Variants in SLCO5A1 observed in about 807,000 individuals in gnomAD.
The protein encoded by SLCO5A1 is organic anion transporter polypeptide-related protein 4.
A neutral mutation model predicts 65.1 loss-of-function variants in SLCO5A1; 39 were observed. The ratio of observed to expected loss-of-function variants is 0.60; its 90% CI spans 0.46 to 0.78. The LOEUF (loss-of-function observed/expected upper bound fraction) is 0.78. SLCO5A1 is among the 30% of genes least tolerant of loss of function. The probability of loss-of-function intolerance (pLI) is 0.00; values close to 1 mark genes in which losing one functional copy is unlikely to be tolerated. For missense variants in SLCO5A1, 1,029 were observed against 1,069.4 expected, an observed-to-expected ratio of 0.96 and a Z score of 0.53; for synonymous variants, 438 against 415.7, an observed-to-expected ratio of 1.05 and a Z score of -0.65.
intron 5 of SLCO5A1, among the ~76,000 whole-genome samples, chr8:69,712,043 A>G (rs1354963065): frequency 6.6e-6 from 1 of 152,268 alleles, no homozygotes; most frequent in East Asian, 1.9e-4. Context: ...AAATATACAA[A>G]CCTTTGATAT....
At chr8:69,819,565 G>A (rs753654869) in intron 2 of SLCO5A1, among the ~76,000 whole-genome samples, 7 of 152,196 alleles carry the variant, frequency 4.6e-5, no homozygotes, top group Non-Finnish European at 1.0e-4. Flanking sequence ...TCAAGGTGGG[G>A]AAAGAGGTGC....
At chr8:69,679,250 G>T in intron 8 of SLCO5A1, 128 bp downstream of exon 8, 1 of 1,282,678 alleles carries the variant, frequency 7.8e-7, no homozygotes, top group Non-Finnish European at 1.1e-6. Context: ...GCAAATATCT[G>T]AGCGCCCTCC....
At chr8:69,750,548 C>G (rs934540409) in intron 4 of SLCO5A1, among the ~76,000 whole-genome samples, 1 of 152,102 alleles carries the variant, frequency 6.6e-6, no homozygotes, top group Admixed American at 6.6e-5. Context: ...TCCAACAGAC[C>G]AACCACAAAA....
At chr8:69,678,156 T>G (rs1813624949) in intron 8 of SLCO5A1, among the ~76,000 whole-genome samples, 1 of 152,194 alleles carries the variant, frequency 6.6e-6, no homozygotes, top group Admixed American at 6.5e-5. Context: ...AATGCTGGAA[T>G]GTAACAAAAG....
chr8:69,819,726 C>T (rs562988354), intron 2 of SLCO5A1, among the ~76,000 whole-genome samples: 5 of 152,244 alleles, frequency 3.3e-5, no homozygotes, highest in Non-Finnish European at 7.4e-5. Context: ...TTTTGGGAGG[C>T]CGAGGTGGGC....
chr8:69,708,611 A>G (rs138669335), intron 5 of SLCO5A1, among the ~76,000 whole-genome samples: 437 of 151,986 alleles, frequency 2.9e-3, no homozygotes, highest in Non-Finnish European at 4.8e-3. Flanking sequence ...GCCATAGAAA[A>G]CCAAGGAGAG....
At chr8:69,774,683 C>T (rs973721306) in intron 2 of SLCO5A1, among the ~76,000 whole-genome samples, 1 of 152,300 alleles carries the variant, frequency 6.6e-6, no homozygotes, top group Non-Finnish European at 1.5e-5. Context: ...GGACTGCACC[C>T]AGGGTGGTGC....
At chr8:69,800,854 C>A (rs1433085170) in intron 2 of SLCO5A1, among the ~76,000 whole-genome samples, 1 of 152,164 alleles carries the variant, frequency 6.6e-6, no homozygotes, top group Admixed American at 6.6e-5. Flanking sequence ...GTGTTCCAGC[C>A]TGGATATATA....
At chr8:69,762,186 CTTTCTT>C (rs1758835737) in intron 2 of SLCO5A1, among the ~76,000 whole-genome samples, 1 of 59,924 alleles carries the variant, frequency 1.7e-5, no homozygotes, top group Admixed American at 2.0e-4. Flanking sequence ...TTCTTTCTTT[CTTTCTT>C]TCTTTCTTTT....
chr8:69,694,950 T>C lies in SLCO5A1; in HGVS notation c.1622+10081A>G, dbSNP rs546855628. On this transcript the variant is annotated intron_variant, in intron 6 of 9. Coordinates refer to ENST00000260126, the MANE Select transcript of SLCO5A1 (RefSeq NM_030958.3). ...ATAAAGATGTAAATTTCCGTCGAGT[T>C]CATAAGAGTTGCAGCCTCACTATAT... is the stretch of plus-strand genomic sequence containing the variant. Among the ~76,000 whole-genome samples the C allele has an allele frequency of 1.7e-4, 26 of 152,296 alleles. 1 individual carries two copies. In the South Asian group the frequency reaches 3.3e-3, roughly 19 times the overall value.
At chr8:69,725,619 G>T (rs895067545) in intron 5 of SLCO5A1, among the ~76,000 whole-genome samples, 1 of 152,142 alleles carries the variant, frequency 6.6e-6, no homozygotes, top group Non-Finnish European at 1.5e-5. Context: ...TGTAAGTCGT[G>T]GGGGATGGTG....
chr8:69,787,699 T>A (rs1226023028), intron 2 of SLCO5A1, among the ~76,000 whole-genome samples: 1 of 152,214 alleles, frequency 6.6e-6, no homozygotes, highest in Non-Finnish European at 1.5e-5. Context: ...TTTGCCATCA[T>A]GTGAGTTATG....
chr8:69,725,820 G>T (rs1169792143), intron 5 of SLCO5A1, among the ~76,000 whole-genome samples: 1 of 152,208 alleles, frequency 6.6e-6, no homozygotes, highest in African/African-American at 2.4e-5. Flanking sequence ...GTCTGCTTCT[G>T]ACACTTCCTT....
At chr8:69,767,723 C>A (rs1021957222) in intron 2 of SLCO5A1, among the ~76,000 whole-genome samples, 1 of 151,610 alleles carries the variant, frequency 6.6e-6, no homozygotes, top group African/African-American at 2.4e-5. Context: ...AACCCCATCT[C>A]TACTAAAAAT....
At chr8:69,741,559 CA>C (rs1816788241) in intron 4 of SLCO5A1, among the ~76,000 whole-genome samples, 1 of 152,144 alleles carries the variant, frequency 6.6e-6, no homozygotes, top group Admixed American at 6.6e-5. Context: ...TTTAATTACT[CA>C]TTGATTAATA....
chr8:69,823,776 C>T (rs760384205), intron 2 of SLCO5A1, among the ~76,000 whole-genome samples: 47 of 152,068 alleles, frequency 3.1e-4, no homozygotes, highest in Non-Finnish European at 6.2e-4. Context: ...CCAAGCAGAC[C>T]GAATAGACAT....
intron 5 of SLCO5A1, among the ~76,000 whole-genome samples, chr8:69,724,707 T>G (rs16936373): frequency 0.03 from 4,625 of 152,272 alleles, 243 homozygotes; most frequent in African/African-American, 0.1. Flanking sequence ...CTGCCTTGTG[T>G]TAATAACTCT....
intron 6 of SLCO5A1, among the ~76,000 whole-genome samples, chr8:69,683,523 T>C (rs971484718): frequency 4.6e-5 from 7 of 151,962 alleles, no homozygotes; most frequent in African/African-American, 7.3e-5. Context: ...ACTCAATAGG[T>C]AATTTCTCGC....
intron 6 of SLCO5A1, among the ~76,000 whole-genome samples, chr8:69,701,067 G>T (rs1271822738): frequency 6.6e-6 from 1 of 152,142 alleles, no homozygotes; most frequent in Admixed American, 6.5e-5. Context: ...AGAGTAGGGG[G>T]ACTGTGGGCC....
Sources: gnomAD v4.1 joint callset for allele counts (sites outside exome capture counted in the v4.1 genomes callset) on GRCh38, gnomAD v4.1.1 for gene constraint, MANE v1.5 for transcripts, NCBI Gene and HGNC (gene_info 2026-07-23, HGNC 2026-07-21) for gene names.